The following CDH11 variants were observed in gnomAD, a reference collection of about 807,000 sequenced individuals.
CDH11 encodes cadherin-11.
CDH11 carries 11 observed loss-of-function variants against 67.8 expected under a neutral mutation model. The ratio of observed to expected loss-of-function variants is 0.16; its 90% CI spans 0.10 to 0.27. CDH11 has a LOEUF of 0.27. Among genes scored for constraint, CDH11 ranks in the 10% least tolerant of loss-of-function variants. CDH11 has a pLI of 1.00. For missense variants in CDH11, 847 were observed against 1,031.2 expected, an observed-to-expected ratio of 0.82 and a Z score of 2.45; for synonymous variants, 419 against 400.0, an observed-to-expected ratio of 1.05 and a Z score of -0.57.
chr16:65,067,633 C>T (rs1048662144), intron 1 of CDH11, among the ~76,000 whole-genome samples: 3 of 151,422 alleles, frequency 2.0e-5, no homozygotes, highest in African/African-American at 7.3e-5. Context: ...AATTGTATAT[C>T]AAGTATTTCT....
At position 64,946,480 on chromosome 16, in the gene CDH11, T is replaced by C. The variant is rs936919777; in HGVS notation, c.*1123A>G. 1.3e-5 allele frequency: 13 copies of C among 1,030,288 alleles called. No individual in the cohort carries two copies. In the Admixed American group the frequency reaches 4.6e-4, roughly 36 times the overall value. 63.8% of individuals were successfully genotyped at this position (1,030,288 alleles called of 1,614,324 possible). ...AGATAAATGCATACTATATAACACATATTGCAAAGTCATAGACTGACCTAG... is the reference window on the plus strand; with the variant it reads ...AGATAAATGCATACTATATAACACACATTGCAAAGTCATAGACTGACCTAG... On this transcript the variant is annotated 3_prime_UTR_variant, in exon 13 of 13. Transcript: ENST00000268603.
At chr16:65,097,298 G>A (rs750738554) in intron 1 of CDH11, among the ~76,000 whole-genome samples, 1 of 152,210 alleles carries the variant, frequency 6.6e-6, no homozygotes, top group Non-Finnish European at 1.5e-5. Flanking sequence ...ATTAGCTTCT[G>A]TTAGCCTCGA....
intron 2 of CDH11, among the ~76,000 whole-genome samples, chr16:65,044,705 A>G (rs1048496114): frequency 6.6e-6 from 1 of 152,108 alleles, no homozygotes; most frequent in East Asian, 1.9e-4. Context: ...AGGGGCTACC[A>G]GCAGCACAAT....
At chr16:65,108,164 G>A (rs190796844) in intron 1 of CDH11, among the ~76,000 whole-genome samples, 5 of 152,256 alleles carry the variant, frequency 3.3e-5, no homozygotes, top group African/African-American at 1.2e-4. Flanking sequence ...GGGTGATAGA[G>A]AGGGGGCAGC....
At chr16:65,020,490 C>T (rs79564977) in intron 2 of CDH11, among the ~76,000 whole-genome samples, 1 of 152,066 alleles carries the variant, frequency 6.6e-6, no homozygotes, top group Non-Finnish European at 1.5e-5. Context: ...CAACCACACC[C>T]AGCTAATTTT....
At chr16:65,056,492 T>C (rs1348987146) in intron 1 of CDH11, among the ~76,000 whole-genome samples, 1 of 152,228 alleles carries the variant, frequency 6.6e-6, no homozygotes, top group African/African-American at 2.4e-5. Context: ...CCACTAAATG[T>C]TAGGATGTCA....
In CDH11 at chr16:65,121,403, G is replaced by A. The variant is rs1263314701; in HGVS notation, c.-298+477C>T. 6.6e-6 allele frequency among the ~76,000 whole-genome samples: 1 copy of A among 152,216 alleles called. No individual in the cohort carries two copies. Among genetic ancestry groups the A allele is most frequent in the Non-Finnish European group, 1.5e-5 (1 of 68,028 alleles). On this transcript the variant is annotated intron_variant, in intron 1 of 12. Transcript: ENST00000268603. The surrounding 1 kb of genome is among the most constrained non-coding windows in gnomAD (Gnocchi z 4.1). ...CCGGGGAGCTTTCGGCAGGGATCCGGGAGGATGGAGTAAGAACCCCGCAGA... is the reference window on the plus strand; with the variant it reads ...CCGGGGAGCTTTCGGCAGGGATCCGAGAGGATGGAGTAAGAACCCCGCAGA...
intron 2 of CDH11, among the ~76,000 whole-genome samples, chr16:65,028,764 T>C (rs981100637): frequency 6.6e-6 from 1 of 152,172 alleles, no homozygotes; most frequent in Admixed American, 6.5e-5. Flanking sequence ...AACATCTTCC[T>C]ACAGAATATC....
chr16:65,096,803 A>T (rs1022735487), intron 1 of CDH11, among the ~76,000 whole-genome samples: 1 of 152,112 alleles, frequency 6.6e-6, no homozygotes, highest in African/African-American at 2.4e-5. Context: ...GAAGCTTCAG[A>T]AAATTTCTGA....
At chr16:65,015,015 TTTA>T (rs71143548) in intron 2 of CDH11, among the ~76,000 whole-genome samples, 40,350 of 135,624 alleles carry the variant, frequency 0.3, 6,853 homozygotes, top group Middle Eastern at 0.44. Context: ...GCCTGGCTAA[TTTA>T]TTATTATTAT....
At chr16:65,100,838 T>A (rs977971402) in intron 1 of CDH11, among the ~76,000 whole-genome samples, 12 of 151,982 alleles carry the variant, frequency 7.9e-5, no homozygotes, top group African/African-American at 2.9e-4. Flanking sequence ...CCCACCAGAA[T>A]GGCAATTCAC....
chr16:64,975,419 A>G (rs2072136591), intron 8 of CDH11, among the ~76,000 whole-genome samples: 1 of 152,184 alleles, frequency 6.6e-6, no homozygotes, highest in African/African-American at 2.4e-5. Context: ...TGAGAGTAGA[A>G]GAAGGAGCAG....
intron 4 of CDH11, among the ~76,000 whole-genome samples, chr16:64,995,444 C>T (rs2072739738): frequency 6.6e-6 from 1 of 152,118 alleles, no homozygotes; most frequent in South Asian, 2.1e-4. Context: ...AGCCACACAC[C>T]TACAGCCATC....
chr16:65,058,280 T>A (rs1181365198), intron 1 of CDH11, among the ~76,000 whole-genome samples: 2 of 152,228 alleles, frequency 1.3e-5, no homozygotes, highest in East Asian at 3.8e-4. Flanking sequence ...ATATTTTGGA[T>A]ATTTTGGAAC....
intron 2 of CDH11, among the ~76,000 whole-genome samples, chr16:65,028,330 G>GA (rs2073573625): frequency 1.3e-5 from 2 of 152,046 alleles, no homozygotes; most frequent in Admixed American, 1.3e-4. Context: ...TCCTGTCGGG[G>GA]CAGAGGAGAG....
intron 2 of CDH11, among the ~76,000 whole-genome samples, chr16:65,041,294 C>T (rs1338410580): frequency 6.6e-6 from 1 of 151,948 alleles, no homozygotes; most frequent in Non-Finnish European, 1.5e-5. Context: ...AACTGATTGA[C>T]CAATCGCCAC....
At chr16:65,011,185 T>C (rs1402879081) in intron 2 of CDH11, among the ~76,000 whole-genome samples, 1 of 151,318 alleles carries the variant, frequency 6.6e-6, no homozygotes, top group Non-Finnish European at 1.5e-5. Context: ...TGTCCTTATG[T>C]AACCCACCCA....
rs551988346 is a variant in CDH11 at position 64,997,293 on chromosome 16, C to G, written c.523+1269G>C. Among the ~76,000 whole-genome samples, 642 of 106,674 alleles carry G rather than the reference C, an allele frequency of 6.0e-3. 4 individuals are homozygous for G. Among genetic ancestry groups the G allele is most frequent in the Non-Finnish European group, 9.7e-3 (471 of 48,712 alleles). 70.0% of individuals were successfully genotyped at this position (106,674 alleles called of 152,430 possible). Reference sequence around the variant, plus strand: ...CCAGCCTGAGTAACAGAGGGAGACTCTGTCTCAAAATAAATAAATAAATAA... The same window carrying G: ...CCAGCCTGAGTAACAGAGGGAGACTGTGTCTCAAAATAAATAAATAAATAA... On this transcript the variant is annotated intron_variant, in intron 4 of 12. Transcript: ENST00000268603.
intron 2 of CDH11, among the ~76,000 whole-genome samples, chr16:65,032,022 G>A (rs553134470): frequency 6.6e-6 from 1 of 152,222 alleles, no homozygotes; most frequent in East Asian, 1.9e-4. Flanking sequence ...TGTGGGAGAA[G>A]GAAAAATAAT....
Sources: allele counts gnomAD v4.1 joint callset (sites outside exome capture counted in the v4.1 genomes callset), GRCh38; gene constraint gnomAD v4.1.1; non-coding constraint Gnocchi (gnomAD v3.1); transcripts MANE v1.5; gene names NCBI Gene and HGNC (gene_info 2026-07-23, HGNC 2026-07-21).